Variants in PSG4 observed in about 807,000 individuals in gnomAD.
The protein encoded by PSG4 is pregnancy specific beta-1-glycoprotein 4, also known as pregnancy-specific beta-1-glycoprotein 4.
Under a neutral mutation model 44.3 loss-of-function variants are expected in PSG4, and 61 were observed. The observed-to-expected ratio is 1.38, with a 90% CI of 1.12 to 1.70. PSG4 has a LOEUF of 1.70. PSG4 is among the 40% of genes most tolerant of loss of function. PSG4 has a pLI of 0.00. For synonymous variants in PSG4, 248 were observed against 191.3 expected (o/e 1.30, Z -2.45); for missense variants, 677 against 511.7 (o/e 1.32, Z -3.12).
rs570742487 is a variant in PSG4 at position 43,199,945 on chromosome 19, A to C, written c.431-1670T>G. On this transcript the variant is annotated intron_variant, in intron 2 of 5. Transcript: ENST00000405312. ...GTAGAGAGAGTCCCATTAAAAGGAC[A>C]GAACTGGTCAGTGCGTCAATTACAT... is the stretch of plus-strand genomic sequence containing the variant. Among the ~76,000 whole-genome samples, 131 of 145,400 alleles carry C rather than the reference A, an allele frequency of 9.0e-4. 11 individuals carry two copies. The highest frequency in any genetic ancestry group is 3.8e-3 in the Admixed American group (56 of 14,584).
At chr19:43,204,332 A>G (rs1304453522) in intron 1 of PSG4, 81 bp from the exon 2 acceptor site, 4 of 1,420,206 alleles carry the variant, frequency 2.8e-6, no homozygotes, top group South Asian at 1.4e-5. Flanking sequence ...GGTCTCTTCA[A>G]TCCTCAGCCT....
chr19:43,200,291 C>A (rs1319240019), intron 2 of PSG4, among the ~76,000 whole-genome samples: 2 of 144,778 alleles, frequency 1.4e-5, no homozygotes, highest in Non-Finnish European at 3.0e-5. Context: ...TCAGATAGCA[C>A]CCACCTGGTC....
chr19:43,201,819 T>TG (rs1967523429), intron 2 of PSG4, among the ~76,000 whole-genome samples: 1 of 139,336 alleles, frequency 7.2e-6, no homozygotes, highest in African/African-American at 2.8e-5. Flanking sequence ...TTCAATAATT[T>TG]TGTGTGTGTG....
At position 43,199,418 on chromosome 19, in the gene PSG4, A is replaced by C. The variant is rs922062901; in HGVS notation, c.431-1143T>G. On this transcript the variant is annotated intron_variant, in intron 2 of 5. Coordinates refer to ENST00000405312, the MANE Select transcript of PSG4 (RefSeq NM_002780.5). ...GTACAGCTTCATGCCTATAGTTCAT[A>C]CAGATAAAGTGCTCCTTATGCAGAA... Among the ~76,000 whole-genome samples the C allele has an allele frequency of 6.2e-5, 9 of 145,768 alleles. 3 individuals carry two copies. The highest frequency in any genetic ancestry group is 2.4e-4 in the African/African-American group (9 of 38,064).
Position 43,195,095 on chromosome 19 carries a change from A to T in PSG4, c.888T>A (p.Ile296=), listed in dbSNP as rs773677386. The change falls in exon 4 of 6, where the codon ATT becomes ATA. Residue 296 remains isoleucine, a synonymous_variant. Transcript: ENST00000405312. ...TTTCATTTCTCGTGACATTGGGTAGAATGAGGATCCTGTTTTCAATGGGTC... is the reference window on the plus strand; with the variant it reads ...TTTCATTTCTCGTGACATTGGGTAGTATGAGGATCCTGTTTTCAATGGGTC... ...VKRPIENRIL[I]LPNVTRNETG... 4 of 1,610,984 alleles carry T rather than the reference A, an allele frequency of 2.5e-6. No homozygotes were observed. In the Admixed American group the frequency reaches 6.7e-5, roughly 27 times the overall value.
intron 3 of PSG4, 68 bp from the exon 4 acceptor site, chr19:43,195,341 T>C: frequency 6.3e-7 from 1 of 1,580,062 alleles, no homozygotes; most frequent in Non-Finnish European, 8.6e-7. Context: ...CATACTTCAA[T>C]CAGAGTTGGC....
intron 2 of PSG4, among the ~76,000 whole-genome samples, chr19:43,200,057 CAG>C (rs1310597381): frequency 3.4e-5 from 5 of 145,328 alleles, no homozygotes. Context: ...AATTTCTGTG[CAG>C]AGTTAGGAAA....
At position 43,205,040 on chromosome 19, in the gene PSG4, G is replaced by T. The variant is rs1285286971; in HGVS notation, c.64+433C>A. The T allele has an allele frequency of 2.2e-4, 47 of 217,544 alleles. 2 individuals carry two copies. Among genetic ancestry groups the T allele is most frequent in the Non-Finnish European group, 3.3e-4 (39 of 117,066 alleles). 13.5% of individuals were successfully genotyped at this position (217,544 alleles called of 1,614,324 possible). On this transcript the variant is annotated intron_variant, in intron 1 of 5. Transcript: ENST00000405312. ...GACTTTCCTATTTTGACCCTCTGGT[G>T]TATTTTCCCCTATCCAGGCTCCAAC...
chr19:43,194,032 C>A, intron 5 of PSG4: 1 of 1,029,252 alleles, frequency 9.7e-7, no homozygotes, highest in Non-Finnish European at 1.4e-6. Flanking sequence ...AGAAAACAAA[C>A]CATTTAAAGA....
At chr19:43,195,864 G>A (rs1264459927) in intron 3 of PSG4, among the ~76,000 whole-genome samples, 2 of 150,140 alleles carry the variant, frequency 1.3e-5, no homozygotes, top group East Asian at 3.9e-4. Flanking sequence ...AGAAAGTGGG[G>A]CAGTGTTTTG....
At position 43,198,172 on chromosome 19, in the gene PSG4, G is replaced by C; in HGVS notation, c.534C>G (p.Tyr178Ter). 6.3e-7 allele frequency: 1 copy of C among 1,588,006 alleles called. No homozygotes were observed. The highest frequency in any genetic ancestry group is 1.1e-5 in the South Asian group (1 of 89,950). The change falls in exon 3 of 6, where the codon TAC becomes TAG. Residue 178 changes from tyrosine to a stop codon, truncating the protein, a stop_gained. Coordinates refer to ENST00000405312, the MANE Select transcript of PSG4 (RefSeq NM_002780.5). LOFTEE classifies it high-confidence loss of function. Reference protein sequence around the residue: ...TCDPATPAASYQWWMNGQSLP... With the variant: ...TCDPATPAAS ...GGCTCTGACCATTCATCCACCACTG[G>C]TAGCTTGCGGCTGGAGTCGCAGGAT... is the stretch of plus-strand genomic sequence containing the variant.
At position 43,192,875 on chromosome 19, in the gene PSG4, A is replaced by G. The variant is rs1336528952; in HGVS notation, c.*497T>C. 4 of 281,790 alleles carry G rather than the reference A, an allele frequency of 1.4e-5. No homozygotes were observed. The highest frequency in any genetic ancestry group is 2.2e-5 in the African/African-American group (1 of 46,108). 17.5% of individuals were successfully genotyped at this position (281,790 alleles called of 1,614,324 possible). Reference sequence around the variant, plus strand: ...GAAACCATCTTCTCTGCAAACACACAGGCAATATCTCTGTGTTCATTTCTA... The same window carrying G: ...GAAACCATCTTCTCTGCAAACACACGGGCAATATCTCTGTGTTCATTTCTA... On this transcript the variant is annotated 3_prime_UTR_variant, in exon 6 of 6. Coordinates refer to ENST00000405312, the MANE Select transcript of PSG4 (RefSeq NM_002780.5).
At chr19:43,194,739 C>T in intron 4 of PSG4, 145 bp from the exon 5 acceptor site, 2 of 1,445,504 alleles carry the variant, frequency 1.4e-6, no homozygotes, top group Non-Finnish European at 1.9e-6. Context: ...TGAGCCGAAG[C>T]CTGAGGTATT....
Position 43,195,292 on chromosome 19 carries a change from G to A in PSG4, c.710-19C>T, listed in dbSNP as rs1485009368. 1 of 1,608,422 alleles carries A rather than the reference G, an allele frequency of 6.2e-7. No homozygotes were observed. Among genetic ancestry groups the A allele is most frequent in the Non-Finnish European group, 8.5e-7 (1 of 1,177,300 alleles). On this transcript the variant is annotated intron_variant, in intron 3 of 5. Transcript: ENST00000405312. ...AGCTTTGCTGTGTGGATAACAGAGA[G>A]AAGATTGTCCTGTGTGGCACCTTTG...
chr19:43,205,195 C>A (rs1273711354), intron 1 of PSG4, among the ~76,000 whole-genome samples: 1 of 130,306 alleles, frequency 7.7e-6, no homozygotes, highest in Non-Finnish European at 1.5e-5. Context: ...GCAACTTCTG[C>A]CTCGTGGGTG....
chr19:43,202,605 A>C (rs924020794), intron 2 of PSG4, among the ~76,000 whole-genome samples: 4 of 144,476 alleles, frequency 2.8e-5, no homozygotes, highest in African/African-American at 1.1e-4. Flanking sequence ...TGGGGAAAGA[A>C]AACAAGGTCC....
rs1292191009 is a variant in PSG4, at chr19:43,198,306, G to C, written c.431-31C>G. 1.9e-6 allele frequency: 3 copies of C among 1,563,590 alleles called. 1 individual carries two copies. In the East Asian group the frequency reaches 8.1e-5, roughly 42 times the overall value. ...CAGAAAACAGAGAGAGGTTTGCCCT[G>C]TGTGGCATCTTTGATTCTTCCAAAG... is the stretch of plus-strand genomic sequence containing the variant. On this transcript the variant is annotated intron_variant, in intron 2 of 5. Transcript: ENST00000405312.
At chr19:43,196,561 G>A (rs1351925820) in intron 3 of PSG4, 1 of 151,552 alleles carries the variant, frequency 6.6e-6, no homozygotes, top group Non-Finnish European at 1.5e-5. Flanking sequence ...GCTTCAGTGA[G>A]CATTTCTTTT....
At chr19:43,196,394 T>A (rs1289732582) in intron 3 of PSG4, 6 of 151,614 alleles carry the variant, frequency 4.0e-5, no homozygotes, top group Admixed American at 6.6e-5. Flanking sequence ...GGAGATCTGC[T>A]GTAGAGCTTG....
Sources: gnomAD v4.1 joint callset for allele counts (sites outside exome capture counted in the v4.1 genomes callset) on GRCh38, gnomAD v4.1.1 for gene constraint, MANE v1.5 for transcripts, NCBI Gene and HGNC (gene_info 2026-07-23, HGNC 2026-07-21) for gene names.